The following MICAL3 variants were observed in gnomAD, a reference collection of about 807,000 sequenced individuals.
The protein encoded by MICAL3 is microtubule associated monooxygenase, calponin and LIM domain containing 3.
A neutral mutation model predicts 207.4 loss-of-function variants in MICAL3; 62 were observed. That is an observed-to-expected ratio of 0.30 (90% CI 0.24 to 0.37). The LOEUF (loss-of-function observed/expected upper bound fraction) is 0.37, where lower values mean the gene tolerates loss of function less well. Among genes scored for constraint, MICAL3 ranks in the 10% least tolerant of loss-of-function variants. The probability of loss-of-function intolerance (pLI) is 1.00; values close to 1 mark genes in which losing one functional copy is unlikely to be tolerated. For synonymous variants in MICAL3, 1,077 were observed against 1,069.3 expected, an observed-to-expected ratio of 1.01 and a Z score of -0.14; for missense variants, 2,368 against 2,635.6, an observed-to-expected ratio of 0.90 and a Z score of 2.22.
intron 20 of MICAL3, among the ~76,000 whole-genome samples, chr22:17,833,266 G>A (rs5747371): frequency 1.6e-4 from 25 of 152,228 alleles, no homozygotes; most frequent in Non-Finnish European, 1.0e-4. Context: ...TGAGTGTTTC[G>A]TGGTCTGATA....
At chr22:18,015,478 T>C (rs1465027260) in intron 1 of MICAL3, among the ~76,000 whole-genome samples, 2 of 147,034 alleles carry the variant, frequency 1.4e-5, no homozygotes, top group African/African-American at 5.2e-5. Flanking sequence ...AGTGGTGTGA[T>C]CTTGGCTCAC....
rs755146574 is a variant in MICAL3 at position 17,916,055 on chromosome 22, CAAAAAAAAAAAA to C, written c.-74-9181_-74-9170del. Among the ~76,000 whole-genome samples, 378 of 57,856 alleles carry C rather than the reference CAAAAAAAAAAAA, an allele frequency of 6.5e-3. 2 individuals are homozygous for C. Among genetic ancestry groups the C allele is most frequent in the African/African-American group, 0.017 (325 of 19,336 alleles). 38.0% of individuals were successfully genotyped at this position (57,856 alleles called of 152,430 possible). ...CTGGGGATGGAGCGAGATCCAGTCTCAAAAAAAAAAAAAAAAAAAAAAAAACCCAAAAAGCAA... is the reference window on the plus strand; with the variant it reads ...CTGGGGATGGAGCGAGATCCAGTCTCAAAAAAAAAAAAACCCAAAAAGCAA... On this transcript the variant is annotated intron_variant, in intron 1 of 31. Coordinates refer to ENST00000441493, the MANE Select transcript of MICAL3 (RefSeq NM_015241.3).
intron 7 of MICAL3, among the ~76,000 whole-genome samples, chr22:17,897,455 G>A (rs927581149): frequency 6.7e-6 from 1 of 150,312 alleles, no homozygotes; most frequent in Non-Finnish European, 1.5e-5. Flanking sequence ...AGAGGGGTTT[G>A]GGGGGTGGAT....
intron 1 of MICAL3, among the ~76,000 whole-genome samples, chr22:17,986,228 C>T (rs1602352349): frequency 6.6e-6 from 1 of 152,254 alleles, no homozygotes; most frequent in African/African-American, 2.4e-5. Flanking sequence ...TTAAGAGGTC[C>T]GTAATGACTG....
chr22:17,801,322 T>G lies in MICAL3; in HGVS notation c.5650+7522A>C, dbSNP rs370314691. Among the ~76,000 whole-genome samples, 16 of 102,782 alleles carry G rather than the reference T, an allele frequency of 1.6e-4. 3 individuals carry two copies. In the East Asian group the frequency reaches 3.0e-3, roughly 19 times the overall value. The allele number at this position is 102,782 out of a possible 152,430, so 67.4% of individuals were successfully genotyped here. ...CGCCCGCCACTACGCCCGGCTAATT[T>G]TTTTGTATTTTTAGTAGAGACGGGG... On this transcript the variant is annotated intron_variant, in intron 29 of 31. Transcript: ENST00000441493.
intron 12 of MICAL3, among the ~76,000 whole-genome samples, chr22:17,890,264 C>T (rs886235878): frequency 1.3e-5 from 2 of 152,316 alleles, no homozygotes; most frequent in East Asian, 1.9e-4. Context: ...TATGACCTCA[C>T]TGCTGCTGAA....
At chr22:17,977,040 T>C (rs971920863) in intron 1 of MICAL3, among the ~76,000 whole-genome samples, 11 of 152,154 alleles carry the variant, frequency 7.2e-5, no homozygotes, top group African/African-American at 2.4e-4. Context: ...TCTGACCTTG[T>C]GATCCGCCCA....
At chr22:17,974,804 C>CTT (rs934460989) in intron 1 of MICAL3, among the ~76,000 whole-genome samples, 1 of 151,020 alleles carries the variant, frequency 6.6e-6, no homozygotes, top group Non-Finnish European at 1.5e-5. Flanking sequence ...GTAATATGTG[C>CTT]TTACTGTGTG....
intron 1 of MICAL3, among the ~76,000 whole-genome samples, chr22:17,995,491 ATTTTT>A (rs138357470): frequency 0.023 from 1,792 of 77,582 alleles, 37 homozygotes; most frequent in African/African-American, 0.07. Flanking sequence ...CTTTTCTTTA[ATTTTT>A]TTTTTTTTTT....
intron 1 of MICAL3, among the ~76,000 whole-genome samples, chr22:17,949,521 C>A (rs867861389): frequency 6.6e-6 from 1 of 152,186 alleles, no homozygotes; most frequent in South Asian, 2.1e-4. Flanking sequence ...CCAAACGGTG[C>A]CTTACCTGGT....
intron 29 of MICAL3, among the ~76,000 whole-genome samples, chr22:17,801,302 G>A (rs369319506): frequency 1.9e-5 from 2 of 104,944 alleles, no homozygotes; most frequent in South Asian, 6.2e-4. Flanking sequence ...ACAGGCGCCC[G>A]CCACTACGCC....
chr22:17,831,020 A>G (rs1922746114), intron 21 of MICAL3, among the ~76,000 whole-genome samples: 1 of 152,228 alleles, frequency 6.6e-6, no homozygotes, highest in African/African-American at 2.4e-5. Context: ...AGATGAGCAC[A>G]GTGCCAGCTC....
Position 17,815,936 on chromosome 22 carries a change from C to T in MICAL3, c.5445+754G>A, listed in dbSNP as rs1380530847. On this transcript the variant is annotated intron_variant, in intron 27 of 31. Coordinates refer to ENST00000441493, the MANE Select transcript of MICAL3 (RefSeq NM_015241.3). ...CTAGAAGCCTTGCAATGAAGGCATG[C>T]TACATTCTCGGGAAGCTTTTGACGC... 2.6e-5 allele frequency among the ~76,000 whole-genome samples: 4 copies of T among 152,198 alleles called. No homozygotes were observed. In the East Asian group the frequency reaches 7.7e-4, roughly 29 times the overall value.
In MICAL3 at chr22:17,893,813, C is replaced by A. The variant is rs865849103; in HGVS notation, c.1541G>T (p.Arg514Leu). The A allele has an allele frequency of 6.4e-7, 1 of 1,568,298 alleles. No individual in the cohort carries two copies. The highest frequency in any genetic ancestry group is 1.2e-5 in the South Asian group (1 of 85,354). Residue 514 changes from arginine to leucine, a missense_variant, in exon 11 of 32, where the codon CGC (arginine) becomes CTC (leucine). Transcript: ENST00000441493. ...AAGCCACCACCAGAACTCACCATTGCGAGTCAATTTGGGGGTGGTTCGGGA... is the reference window on the plus strand; with the variant it reads ...AAGCCACCACCAGAACTCACCATTGAGAGTCAATTTGGGGGTGGTTCGGGA... ...VNSRTTPKLT[R>L]NESVARSSKL...
At chr22:17,967,277 A>G (rs903745542) in intron 1 of MICAL3, among the ~76,000 whole-genome samples, 5 of 152,360 alleles carry the variant, frequency 3.3e-5, no homozygotes, top group Admixed American at 2.6e-4. Flanking sequence ...ATAATGCCTA[A>G]CAATAAAAAA....
intron 1 of MICAL3, among the ~76,000 whole-genome samples, chr22:18,023,981 C>T (rs893477207): frequency 1.3e-5 from 2 of 152,176 alleles, no homozygotes; most frequent in African/African-American, 4.8e-5. Flanking sequence ...ATGGGGTGGA[C>T]GTGGCTGGGA....
chr22:17,894,782 G>A (rs904785134), intron 10 of MICAL3, among the ~76,000 whole-genome samples: 1 of 143,204 alleles, frequency 7.0e-6, no homozygotes, highest in Non-Finnish European at 1.5e-5. Flanking sequence ...GGGTGACAGA[G>A]CGAGATTCCA....
chr22:17,896,779 C>T lies in MICAL3; in HGVS notation c.1151G>A (p.Arg384Gln), dbSNP rs370104202. ...TAGTAACTGGTGTCCGTTCTGCTCC[C>T]GCACCAAGGCGGCGTTCTCGGAGGC... ...MYASENAALVREQNGHQLLVA... is the reference protein window; with the variant it reads ...MYASENAALVQEQNGHQLLVA... Residue 384 changes from arginine (R) to glutamine (Q), a missense_variant, in exon 8 of 32, where the codon CGG becomes CAG. By Grantham distance (43) the Arg-to-Gln change is conservative (BLOSUM62 1). Around this residue, in one of 4 missense-constraint regions of MICAL3, gnomAD observed 400 missense variants for 547.0 expected, o/e 0.73. Transcript: ENST00000441493. 378 of 1,613,832 alleles carry T rather than the reference C, an allele frequency of 2.3e-4. No individual in the cohort carries two copies. Among genetic ancestry groups the T allele is most frequent in the Non-Finnish European group, 2.8e-4 (334 of 1,179,966 alleles).
chr22:18,023,370 T>C (rs965594323), intron 1 of MICAL3, among the ~76,000 whole-genome samples: 1 of 152,148 alleles, frequency 6.6e-6, no homozygotes, highest in African/African-American at 2.4e-5. Flanking sequence ...TGAGAGCTAA[T>C]GAATAGCACC....
Sources: allele counts gnomAD v4.1 joint callset (sites outside exome capture counted in the v4.1 genomes callset), GRCh38; gene constraint gnomAD v4.1.1; regional missense constraint gnomAD v4.1.1; transcripts MANE v1.5; gene names NCBI Gene and HGNC (gene_info 2026-07-23, HGNC 2026-07-21).